Variants in TCF7L2 observed in about 807,000 individuals in gnomAD.
The protein encoded by TCF7L2 is transcription factor 7-like 2.
In TCF7L2, 23 loss-of-function variants were observed where a neutral mutation model predicts 77.9. That is an observed-to-expected ratio of 0.30 (90% CI 0.21 to 0.42). The LOEUF (loss-of-function observed/expected upper bound fraction) is 0.42, where lower values mean the gene tolerates loss of function less well. TCF7L2 is among the 10% of genes least tolerant of loss of function. The pLI, the probability that TCF7L2 is intolerant of heterozygous loss-of-function variation, is 1.00. For synonymous variants in TCF7L2, 413 were observed against 340.2 expected (o/e 1.21, Z -2.36); for missense variants, 654 against 793.1 (o/e 0.82, Z 2.11).
intron 5 of TCF7L2, among the ~76,000 whole-genome samples, chr10:113,138,194 AT>A: frequency 6.6e-6 from 1 of 151,988 alleles, no homozygotes; most frequent in African/African-American, 2.4e-5. Flanking sequence ...TACAGGTCCC[AT>A]TTTTTCCCCC....
intron 4 of TCF7L2, among the ~76,000 whole-genome samples, chr10:113,031,939 GC>G (rs2050291592): frequency 6.6e-6 from 1 of 152,196 alleles, no homozygotes; most frequent in African/African-American, 2.4e-5. Flanking sequence ...AGGAATCCAT[GC>G]ATTGGAGTAG....
chr10:112,951,495 A>G lies in TCF7L2; in HGVS notation c.269A>G (p.Gln90Arg). 7.0e-7 allele frequency: 1 copy of G among 1,432,242 alleles called. No individual in the cohort carries two copies. Among genetic ancestry groups the G allele is most frequent in the Non-Finnish European group, 9.3e-7 (1 of 1,070,720 alleles). 88.7% of individuals were successfully genotyped at this position (1,432,242 alleles called of 1,614,324 possible). A position where few individuals can be genotyped will look rare whatever the true frequency, so the allele number is the denominator to read the frequency against. Residue 90 changes from glutamine (Q) to arginine (R), a missense_variant, in exon 3 of 14, where the codon CAA becomes CGA. Transcript: ENST00000627217. The stretch of plus-strand genomic sequence containing the variant: ...CCCGCCATGTTAGCGGCCAAGAGGC[A>G]AGATGGAGGGCTCTTTAAGGGGCCA...
intron 5 of TCF7L2, chr10:113,129,199 TCCTCCTC>T: frequency 1.9e-6 from 1 of 521,516 alleles, no homozygotes. Context: ...AAATATCCTT[TCCTCCTC>T]CCTCCCCTCT....
At chr10:113,130,739 T>G (rs2066448435) in intron 5 of TCF7L2, among the ~76,000 whole-genome samples, 1 of 150,750 alleles carries the variant, frequency 6.6e-6, no homozygotes, top group Non-Finnish European at 1.5e-5. Context: ...TGTGTGGTGA[T>G]ATCTTTTTAA....
At chr10:113,045,199 A>G (rs1448286826) in intron 5 of TCF7L2, among the ~76,000 whole-genome samples, 5 of 152,176 alleles carry the variant, frequency 3.3e-5, no homozygotes, top group African/African-American at 4.8e-5. Context: ...CTAGACACCA[A>G]GAGAGAGTGG....
chr10:113,126,316 T>A (rs1338476097), intron 5 of TCF7L2, among the ~76,000 whole-genome samples: 1 of 152,108 alleles, frequency 6.6e-6, no homozygotes, highest in Non-Finnish European at 1.5e-5. Context: ...AGTGAAGTGG[T>A]CCCTCCAAGT....
chr10:112,958,287 GA>G (rs1351468562), intron 3 of TCF7L2, among the ~76,000 whole-genome samples: 2 of 152,178 alleles, frequency 1.3e-5, no homozygotes, highest in African/African-American at 4.8e-5. Flanking sequence ...AGCCCTGAAG[GA>G]GTTAAAATTG....
At chr10:112,998,474 G>A (rs184811093) in intron 4 of TCF7L2, among the ~76,000 whole-genome samples, 53 of 152,242 alleles carry the variant, frequency 3.5e-4, no homozygotes, top group Non-Finnish European at 5.7e-4. Flanking sequence ...GATCTCTGCC[G>A]GACCAAAGAG....
chr10:113,165,491 A>G lies in TCF7L2; in HGVS notation c.1392-64A>G. On this transcript the variant is annotated intron_variant, in intron 13 of 13. Transcript: ENST00000627217. ...TGACCTCAGCTTGGGTGTGAGCATT[A>G]GGTAACTCTCTCCCTTGGCATCTGT... The G allele has an allele frequency of 2.6e-6, 4 of 1,553,566 alleles. No homozygotes were observed. The South Asian group carries it at 4.6e-5, about 18-fold the overall frequency.
intron 5 of TCF7L2, among the ~76,000 whole-genome samples, chr10:113,131,139 T>G (rs2066536254): frequency 6.6e-6 from 1 of 152,224 alleles, no homozygotes; most frequent in African/African-American, 2.4e-5. Context: ...ATTACTTTTA[T>G]TATTTGTGAT....
At chr10:113,163,900 C>T (rs1209633040) in intron 13 of TCF7L2, among the ~76,000 whole-genome samples, 2 of 152,180 alleles carry the variant, frequency 1.3e-5, no homozygotes, top group Non-Finnish European at 2.9e-5. Flanking sequence ...GATCAGACAG[C>T]TCTGGGGCAC....
At chr10:112,986,137 T>A (rs114078655) in intron 4 of TCF7L2, among the ~76,000 whole-genome samples, 287 of 152,168 alleles carry the variant, frequency 1.9e-3, no homozygotes, top group African/African-American at 6.6e-3. Flanking sequence ...ATGTGGGTAC[T>A]CAGGCTCTGG....
In TCF7L2 at chr10:113,002,188, A is replaced by G. The variant is rs143341260; in HGVS notation, c.450+37564A>G. On this transcript the variant is annotated intron_variant, in intron 4 of 13. Transcript: ENST00000627217. ...TCATACAAAGGTATCAAAGTGGCAA[A>G]CCCTGATCCAGATGTTTTCAGTTCA... Among the ~76,000 whole-genome samples the G allele has an allele frequency of 6.5e-4, 99 of 152,250 alleles. 1 individual carries two copies. The highest frequency in any genetic ancestry group is 2.2e-3 in the African/African-American group (92 of 41,536).
rs1353996357 is a variant in TCF7L2 at position 113,010,360 on chromosome 10, A to G, written c.451-29665A>G. Reference sequence around the variant, plus strand: ...CTGGAGAGCTTTTATAAAAATGCCAATGCCCGGGGCCCACTTTGGGAGGAG... The same window carrying G: ...CTGGAGAGCTTTTATAAAAATGCCAGTGCCCGGGGCCCACTTTGGGAGGAG... On this transcript the variant is annotated intron_variant, in intron 4 of 13. Transcript: ENST00000627217. Among the ~76,000 whole-genome samples the G allele has an allele frequency of 3.3e-5, 5 of 152,174 alleles. 1 individual carries two copies. Among genetic ancestry groups the G allele is most frequent in the Non-Finnish European group, 5.9e-5 (4 of 68,030 alleles).
intron 4 of TCF7L2, among the ~76,000 whole-genome samples, chr10:112,966,428 A>G (rs2036923567): frequency 6.6e-6 from 1 of 151,896 alleles, no homozygotes; most frequent in Admixed American, 6.6e-5. Flanking sequence ...TTGCTCCCAG[A>G]AAGTGCTTTA....
chr10:112,982,236 A>T (rs576768182), intron 4 of TCF7L2, among the ~76,000 whole-genome samples: 2 of 151,932 alleles, frequency 1.3e-5, no homozygotes, highest in African/African-American at 4.8e-5. Context: ...TTTTTTTTTA[A>T]AAAATAACAT....
intron 5 of TCF7L2, among the ~76,000 whole-genome samples, chr10:113,054,342 T>C (rs953647858): frequency 3.9e-5 from 6 of 152,234 alleles, no homozygotes; most frequent in Admixed American, 1.3e-4. Flanking sequence ...ATGCTATGTG[T>C]AGTCACTCCC....
Position 113,160,604 on chromosome 10 carries a change from A to G in TCF7L2, c.1319-15A>G, listed in dbSNP as rs2137460444. 6.3e-7 allele frequency: 1 copy of G among 1,580,680 alleles called. No individual in the cohort carries two copies. The highest frequency in any genetic ancestry group is 8.6e-7 in the Non-Finnish European group (1 of 1,162,254). ...CCATTGTGTTGTATTTTTTGTGTTTACCTTATGCTAACAGATGCAAATACT... is the reference window on the plus strand; with the variant it reads ...CCATTGTGTTGTATTTTTTGTGTTTGCCTTATGCTAACAGATGCAAATACT... On this transcript the variant is annotated splice_polypyrimidine_tract_variant and intron_variant, in intron 12 of 13. Coordinates refer to ENST00000627217, the MANE Select transcript of TCF7L2 (RefSeq NM_001146274.2).
chr10:113,123,177 G>A (rs1227382242), intron 5 of TCF7L2, among the ~76,000 whole-genome samples: 1 of 152,214 alleles, frequency 6.6e-6, no homozygotes, highest in Non-Finnish European at 1.5e-5. Flanking sequence ...AAGTTTCAAA[G>A]TCGGAGAGTT....
Sources: allele counts gnomAD v4.1 joint callset (sites outside exome capture counted in the v4.1 genomes callset), GRCh38; gene constraint gnomAD v4.1.1; transcripts MANE v1.5; gene names NCBI Gene and HGNC (gene_info 2026-07-23, HGNC 2026-07-21).